KDM2B: variants seen among roughly 807,000 people sequenced by gnomAD.
KDM2B encodes lysine-specific demethylase 2B.
In KDM2B, 26 loss-of-function variants were observed where a neutral mutation model predicts 150.0. The ratio of observed to expected loss-of-function variants is 0.17; its 90% CI spans 0.13 to 0.24. The LOEUF is 0.24. KDM2B is among the 10% of genes least tolerant of loss of function. The pLI is 1.00. For synonymous variants in KDM2B, 734 were observed against 729.5 expected (o/e 1.01, Z -0.10); for missense variants, 1,265 against 1,816.9 (o/e 0.70, Z 5.52).
At chr12:121,420,417 A>C in the KDM2B span, 1 of 1,551,784 alleles carries the variant, frequency 6.4e-7, no homozygotes, top group Non-Finnish European at 8.7e-7. Context: ...TCGCTAGATT[A>C]GTACAGGATG....
At chr12:121,455,984 C>T (rs554936205) in intron 12 of KDM2B, among the ~76,000 whole-genome samples, 5 of 152,358 alleles carry the variant, frequency 3.3e-5, no homozygotes, top group East Asian at 3.9e-4. Flanking sequence ...ACCGAGATGA[C>T]GGCCATGCCG....
intron 22 of KDM2B, among the ~76,000 whole-genome samples, chr12:121,434,801 A>G (rs1050741225): frequency 1.2e-4 from 18 of 152,080 alleles, no homozygotes; most frequent in Non-Finnish European, 7.4e-5. Context: ...ACTAAAAAAT[A>G]CAAAAATTAG....
At chr12:121,511,535 C>T (rs908229492) in intron 10 of KDM2B, among the ~76,000 whole-genome samples, 2 of 152,196 alleles carry the variant, frequency 1.3e-5, no homozygotes, top group African/African-American at 4.8e-5. Context: ...ATCCACACGC[C>T]TCAGCCTCCC....
downstream of KDM2B, among the ~76,000 whole-genome samples, chr12:121,426,172 A>G (rs997608876): frequency 3.3e-5 from 5 of 152,222 alleles, no homozygotes; most frequent in Non-Finnish European, 7.3e-5. Flanking sequence ...ATTCAGATTT[A>G]TACAGTCTTA....
chr12:121,545,326 C>T (rs559690249), intron 6 of KDM2B, among the ~76,000 whole-genome samples: 7 of 151,872 alleles, frequency 4.6e-5, no homozygotes, highest in Admixed American at 2.0e-4. Context: ...CCACACAATT[C>T]GACCCCAAGA....
intron 9 of KDM2B, chr12:121,516,402 T>G: frequency 1.0e-6 from 1 of 976,534 alleles, no homozygotes; most frequent in East Asian, 6.2e-5. Context: ...AAATTTTTAT[T>G]TATTTATTTA....
At chr12:121,444,690 A>G (rs1555289722) in intron 14 of KDM2B, 154 bp from the exon 15 acceptor site, 1 of 668,258 alleles carries the variant, frequency 1.5e-6, no homozygotes. Flanking sequence ...ACAGCTGCAG[A>G]GGCTGGCAGA....
At chr12:121,421,371 T>TACAAAAAAA in the KDM2B span, among the ~76,000 whole-genome samples, 12 of 46,366 alleles carry the variant, frequency 2.6e-4, no homozygotes, top group African/African-American at 7.5e-4. Context: ...ATCCCATCTC[T>TACAAAAAAA]AAAAAAAAAA....
At chr12:121,519,276 G>C (rs1396685326) in intron 9 of KDM2B, among the ~76,000 whole-genome samples, 1 of 152,194 alleles carries the variant, frequency 6.6e-6, no homozygotes, top group Non-Finnish European at 1.5e-5. Flanking sequence ...GCAAACCAAG[G>C]CCTGAAAACA....
At chr12:121,436,824 T>C (rs1224064386) in intron 22 of KDM2B, among the ~76,000 whole-genome samples, 13 of 151,930 alleles carry the variant, frequency 8.6e-5, no homozygotes, top group Admixed American at 5.9e-4. Context: ...GGAGAGAAAA[T>C]AGATTCACTG....
At chr12:121,438,449 G>C (rs1454541971) in intron 22 of KDM2B, among the ~76,000 whole-genome samples, 1 of 152,106 alleles carries the variant, frequency 6.6e-6, no homozygotes, top group African/African-American at 2.4e-5. Flanking sequence ...ATATAATGAA[G>C]AGATGTAATA....
intron 12 of KDM2B, 80 bp downstream of exon 12, chr12:121,494,499 A>G (rs782233608): frequency 9.3e-7 from 1 of 1,077,908 alleles, no homozygotes; most frequent in Non-Finnish European, 1.4e-6. Context: ...TAGCTACCCA[A>G]AAAGTCGCGG....
Position 121,510,026 on chromosome 12 carries a change from C to T in KDM2B, c.1188G>A (p.Lys396=), listed in dbSNP as rs1555303684. 1 of 1,555,972 alleles carries T rather than the reference C, an allele frequency of 6.4e-7. No individual in the cohort carries two copies. Among genetic ancestry groups the T allele is most frequent in the South Asian group, 1.2e-5 (1 of 81,402 alleles). Residue 396 remains lysine, a synonymous_variant, in exon 11 of 23, where the codon AAG becomes AAA. Coordinates refer to ENST00000377071, the MANE Select transcript of KDM2B (RefSeq NM_032590.5). ...CCGAAGAGAAGCCGTCTATGCTGGG[C>T]TTCCTCGGGGCATCTGTGGGGGCAG... ...RESMLIDAPR[K]PSIDGFSSDS... is the part of the protein sequence containing the mutation.
intron 13 of KDM2B, among the ~76,000 whole-genome samples, chr12:121,446,175 C>G (rs965789117): frequency 6.6e-6 from 1 of 152,096 alleles, no homozygotes; most frequent in Non-Finnish European, 1.5e-5. Flanking sequence ...GCGGGCGGAT[C>G]ACAAGGTCAG....
At chr12:121,534,071 C>T (rs955067018) in intron 7 of KDM2B, among the ~76,000 whole-genome samples, 13 of 151,966 alleles carry the variant, frequency 8.6e-5, no homozygotes, top group Non-Finnish European at 1.8e-4. Context: ...AAAAAAAAGC[C>T]GGGCACAGTG....
chr12:121,415,034 T>A, the KDM2B span, among the ~76,000 whole-genome samples: 1 of 152,010 alleles, frequency 6.6e-6, no homozygotes, highest in African/African-American at 2.4e-5. Context: ...AGGCGGACGT[T>A]GCAGTGAGCC....
intron 13 of KDM2B, among the ~76,000 whole-genome samples, chr12:121,445,667 A>T (rs1876031908): frequency 6.6e-6 from 1 of 152,230 alleles, no homozygotes; most frequent in South Asian, 2.1e-4. Flanking sequence ...TGCCATCCAG[A>T]GCTTACATTT....
chr12:121,461,573 A>G (rs981315678), intron 12 of KDM2B, among the ~76,000 whole-genome samples: 2 of 152,158 alleles, frequency 1.3e-5, no homozygotes, highest in African/African-American at 2.4e-5. Flanking sequence ...TTGGCTGAAC[A>G]TGGGGTATGC....
At chr12:121,544,114 C>CA (rs57873693) in intron 6 of KDM2B, among the ~76,000 whole-genome samples, 3,312 of 42,162 alleles carry the variant, frequency 0.079, 223 homozygotes, top group East Asian at 0.25. Context: ...GACCCTGCCT[C>CA]AAAAAAAAAA....
Sources: gnomAD v4.1 joint callset for allele counts (sites outside exome capture counted in the v4.1 genomes callset) on GRCh38, gnomAD v4.1.1 for gene constraint, MANE v1.5 for transcripts, NCBI Gene and HGNC (gene_info 2026-07-23, HGNC 2026-07-21) for gene names.